TANC1: variants seen among roughly 807,000 people sequenced by gnomAD.
TANC1 encodes the protein tetratricopeptide repeat, ankyrin repeat and coiled-coil containing 1.
TANC1 carries 77 observed loss-of-function variants against 149.7 expected under a neutral mutation model. The observed-to-expected ratio is 0.51, with a 90% CI of 0.43 to 0.62. The LOEUF is 0.62. TANC1 is among the 20% of genes least tolerant of loss of function. The pLI is 0.00. For synonymous variants in TANC1, 854 were observed against 925.0 expected (o/e 0.92, Z 1.39); for missense variants, 1,985 against 2,321.8 (o/e 0.85, Z 2.98).
intron 9 of TANC1, among the ~76,000 whole-genome samples, 197 bp downstream of exon 9, chr2:159,169,569 T>C (rs1308754996): frequency 1.3e-5 from 2 of 152,252 alleles, no homozygotes; most frequent in African/African-American, 2.4e-5. Flanking sequence ...AAATATGTGA[T>C]TAACTTGCTT....
chr2:159,181,053 G>T (rs2056418548), intron 14 of TANC1, among the ~76,000 whole-genome samples: 1 of 152,176 alleles, frequency 6.6e-6, no homozygotes, highest in Admixed American at 6.5e-5. Context: ...TATAAAAGCA[G>T]AAAATTTCAA....
intron 1 of TANC1, among the ~76,000 whole-genome samples, chr2:158,985,942 ACTGGGCCCC>A (rs2034955022): frequency 6.6e-6 from 1 of 152,160 alleles, no homozygotes; most frequent in African/African-American, 2.4e-5. Context: ...CACCCAGCTG[ACTGGGCCCC>A]CTTTGATTGG....
intron 2 of TANC1, among the ~76,000 whole-genome samples, chr2:159,014,946 G>A (rs898254001): frequency 6.6e-6 from 1 of 152,216 alleles, no homozygotes; most frequent in African/African-American, 2.4e-5. Flanking sequence ...ATGAGTGTCT[G>A]TGGATTTTCC....
chr2:159,064,096 G>C (rs2042468550), intron 2 of TANC1, among the ~76,000 whole-genome samples: 3 of 152,176 alleles, frequency 2.0e-5, no homozygotes, highest in Non-Finnish European at 4.4e-5. Flanking sequence ...AAGTTGGTTG[G>C]TTGAAGAATA....
At chr2:159,080,748 G>A (rs2044187603) in intron 3 of TANC1, among the ~76,000 whole-genome samples, 1 of 152,152 alleles carries the variant, frequency 6.6e-6, no homozygotes, top group Non-Finnish European at 1.5e-5. Context: ...ATTTGCTTTG[G>A]CTCCTTGAGG....
At chr2:159,166,371 A>G (rs2054598950) in intron 8 of TANC1, among the ~76,000 whole-genome samples, 1 of 152,286 alleles carries the variant, frequency 6.6e-6, no homozygotes, top group South Asian at 2.1e-4. Context: ...TTCAGCTTAG[A>G]GATGTCTCCC....
chr2:159,140,267 A>T lies in TANC1; in HGVS notation c.364+3969A>T, dbSNP rs777105835. Reference sequence around the variant, plus strand: ...AAGAATATGATTGAAAAAAATGCATAGTCATGTTTTATTTCTTAAAACCCT... The same window carrying T: ...AAGAATATGATTGAAAAAAATGCATTGTCATGTTTTATTTCTTAAAACCCT... On this transcript the variant is annotated intron_variant, in intron 5 of 26. Transcript: ENST00000263635. Among the ~76,000 whole-genome samples, 5 of 152,224 alleles carry T rather than the reference A, an allele frequency of 3.3e-5. No individual in the cohort carries two copies. The East Asian group carries it at 9.7e-4, about 29-fold the overall frequency.
chr2:159,206,772 C>T (rs905834740), intron 19 of TANC1, among the ~76,000 whole-genome samples: 1 of 152,058 alleles, frequency 6.6e-6, no homozygotes, highest in Admixed American at 6.5e-5. Context: ...TGGAAATGCC[C>T]CCTTTTTACA....
At chr2:159,072,057 T>C (rs1418546107) in intron 3 of TANC1, among the ~76,000 whole-genome samples, 1 of 152,034 alleles carries the variant, frequency 6.6e-6, no homozygotes, top group Non-Finnish European at 1.5e-5. Flanking sequence ...TCTTGGATCA[T>C]TGCAACCTCA....
At chr2:158,976,975 G>A (rs2033755218) in intron 1 of TANC1, among the ~76,000 whole-genome samples, 1 of 151,984 alleles carries the variant, frequency 6.6e-6, no homozygotes, top group African/African-American at 2.4e-5. Context: ...TCCTTTAAAA[G>A]TTTTAAATGT....
chr2:158,991,048 C>T lies in TANC1; in HGVS notation c.-125-10032C>T, dbSNP rs540532971. The stretch of plus-strand genomic sequence containing the variant: ...TGGAGGTTGTGGTGAGCTGAGATTG[C>T]GCCACTGCACTCCAACCTGGGTGAC... On this transcript the variant is annotated intron_variant, in intron 1 of 26. Transcript: ENST00000263635. Among the ~76,000 whole-genome samples, 95 of 139,552 alleles carry T rather than the reference C, an allele frequency of 6.8e-4. 1 individual carries two copies. The highest frequency in any genetic ancestry group is 3.8e-3 in the Middle Eastern group (1 of 266). The allele number at this position is 139,552 out of a possible 152,430, so 91.6% of individuals were successfully genotyped here.
At chr2:159,111,553 A>G (rs1172476790) in intron 4 of TANC1, among the ~76,000 whole-genome samples, 1 of 152,196 alleles carries the variant, frequency 6.6e-6, no homozygotes, top group African/African-American at 2.4e-5. Flanking sequence ...CGAGCACCAG[A>G]TGAAGTAGAT....
intron 4 of TANC1, among the ~76,000 whole-genome samples, chr2:159,130,477 G>T (rs1211755680): frequency 2.0e-5 from 3 of 152,104 alleles, no homozygotes; most frequent in African/African-American, 7.2e-5. Flanking sequence ...TGCTTTATGT[G>T]GGGGAGTGTT....
Position 159,231,085 on chromosome 2 carries a change from T to G in TANC1, c.*73T>G, listed in dbSNP as rs1452329232. ...CTGGTGGTAAATTAAATAGTTTTTT[T>G]CATCAGAAAAATTATTTTTTAGCCA... On this transcript the variant is annotated 3_prime_UTR_variant, in exon 27 of 27. Coordinates refer to ENST00000263635, the MANE Select transcript of TANC1 (RefSeq NM_033394.3). The G allele has an allele frequency of 1.6e-6, 2 of 1,261,950 alleles. No homozygotes were observed. The highest frequency in any genetic ancestry group is 2.2e-6 in the Non-Finnish European group (2 of 919,734). The allele number at this position is 1,261,950 out of a possible 1,614,324, so 78.2% of individuals were successfully genotyped here.
chr2:159,047,300 G>A lies in TANC1; in HGVS notation c.-15-18596G>A, dbSNP rs544861687. Among the ~76,000 whole-genome samples the A allele has an allele frequency of 2.0e-5, 3 of 151,240 alleles. No individual in the cohort carries two copies. In the South Asian group the frequency reaches 6.3e-4, roughly 32 times the overall value. On this transcript the variant is annotated intron_variant, in intron 2 of 26. Transcript: ENST00000263635. ...CACTACTTTCTACCCTGTCACTCAA[G>A]CCAGAAATTTGTGATTCATCCTTCA...
intron 4 of TANC1, among the ~76,000 whole-genome samples, chr2:159,127,116 A>G (rs1162299148): frequency 2.6e-5 from 4 of 152,252 alleles, no homozygotes; most frequent in Non-Finnish European, 4.4e-5. Flanking sequence ...TGAAAGGAGC[A>G]TGGCTACAAA....
chr2:159,149,381 G>T (rs773378499), intron 6 of TANC1, 109 bp downstream of exon 6: 1 of 1,488,606 alleles, frequency 6.7e-7, no homozygotes, highest in Non-Finnish European at 9.3e-7. Flanking sequence ...AGTTAAATGA[G>T]TTCTGGGCTG....
rs772025234 is a variant in TANC1, at chr2:159,167,035, A to G, written c.947-2215A>G. On this transcript the variant is annotated intron_variant, in intron 8 of 26. Coordinates refer to ENST00000263635, the MANE Select transcript of TANC1 (RefSeq NM_033394.3). ...AGATACAATCTAGGGCATTTTTGCA[A>G]TCCTTTATTTGGAATGTCTTTTATG... Among the ~76,000 whole-genome samples the G allele has an allele frequency of 3.9e-5, 6 of 152,210 alleles. No individual in the cohort carries two copies. The East Asian group carries it at 7.7e-4, about 20-fold the overall frequency.
At chr2:158,982,642 C>A (rs117590062) in intron 1 of TANC1, among the ~76,000 whole-genome samples, 1 of 152,184 alleles carries the variant, frequency 6.6e-6, no homozygotes, top group Admixed American at 6.5e-5. Flanking sequence ...GGGTTTTGCT[C>A]TGTTGCCCAG....
Sources: gnomAD v4.1 joint callset for allele counts (sites outside exome capture counted in the v4.1 genomes callset) on GRCh38, gnomAD v4.1.1 for gene constraint, MANE v1.5 for transcripts, NCBI Gene and HGNC (gene_info 2026-07-23, HGNC 2026-07-21) for gene names.